DCC: variants seen among roughly 807,000 people sequenced by gnomAD.
DCC encodes the protein DCC netrin 1 receptor.
A neutral mutation model predicts 172.5 loss-of-function variants in DCC; 58 were observed. That is an observed-to-expected ratio of 0.34 (90% CI 0.27 to 0.42). DCC has a LOEUF of 0.42. DCC is among the 10% of genes least tolerant of loss of function. The pLI, the probability that DCC is intolerant of heterozygous loss-of-function variation, is 1.00. For missense variants in DCC, 1,740 were observed against 1,791.0 expected, an observed-to-expected ratio of 0.97 and a Z score of 0.51; for synonymous variants, 709 against 644.5, an observed-to-expected ratio of 1.10 and a Z score of -1.52.
intron 12 of DCC, among the ~76,000 whole-genome samples, chr18:53,303,243 A>C (rs182426397): frequency 2.0e-4 from 31 of 152,292 alleles, no homozygotes; most frequent in African/African-American, 7.0e-4. Flanking sequence ...TAATTTGTGC[A>C]ATCAAATTAT....
At chr18:52,861,658 AATC>A (rs1277395566) in intron 2 of DCC, among the ~76,000 whole-genome samples, 1 of 142,288 alleles carries the variant, frequency 7.0e-6, no homozygotes, top group African/African-American at 2.4e-5. Context: ...TCCAAACAAA[AATC>A]ATTTAAAAAA....
At chr18:53,150,546 C>G (rs1598851332) in intron 7 of DCC, among the ~76,000 whole-genome samples, 1 of 152,240 alleles carries the variant, frequency 6.6e-6, no homozygotes, top group South Asian at 2.1e-4. Context: ...ACAAAAATGA[C>G]CGGATTGTTG....
intron 1 of DCC, among the ~76,000 whole-genome samples, chr18:52,582,096 C>T (rs1203072990): frequency 2.0e-5 from 3 of 152,158 alleles, no homozygotes; most frequent in Non-Finnish European, 4.4e-5. Context: ...TCTATTAATT[C>T]ATCATAAATA....
intron 12 of DCC, among the ~76,000 whole-genome samples, chr18:53,259,999 T>C (rs940670548): frequency 1.3e-5 from 2 of 152,354 alleles, no homozygotes; most frequent in South Asian, 4.1e-4. Context: ...GCAAATTGGC[T>C]ACTGAGGCTT....
intron 1 of DCC, among the ~76,000 whole-genome samples, chr18:52,524,040 G>A (rs1170766070): frequency 3.3e-5 from 5 of 152,184 alleles, no homozygotes; most frequent in African/African-American, 4.8e-5. Flanking sequence ...AGACGTAAAT[G>A]TGGGGTGTTG....
chr18:53,225,768 G>A (rs957554252), intron 12 of DCC, among the ~76,000 whole-genome samples: 2 of 152,174 alleles, frequency 1.3e-5, no homozygotes, highest in Non-Finnish European at 2.9e-5. Flanking sequence ...AATTTAAAGT[G>A]AAACTAACCA....
chr18:52,676,042 G>A (rs1777547149), intron 1 of DCC, among the ~76,000 whole-genome samples: 2 of 152,144 alleles, frequency 1.3e-5, no homozygotes, highest in African/African-American at 2.4e-5. Flanking sequence ...AGAAAGTCCT[G>A]TGATATATTC....
At chr18:52,661,557 G>A (rs1598997197) in intron 1 of DCC, among the ~76,000 whole-genome samples, 1 of 152,228 alleles carries the variant, frequency 6.6e-6, no homozygotes, top group South Asian at 2.1e-4. Context: ...GCCTCCACAG[G>A]AGATGGGAGA....
chr18:52,938,425 G>A (rs1329828682), intron 5 of DCC, among the ~76,000 whole-genome samples: 1 of 152,034 alleles, frequency 6.6e-6, no homozygotes, highest in African/African-American at 2.4e-5. Flanking sequence ...TTGAACCAGG[G>A]TCTGGAACAT....
chr18:52,445,976 G>T (rs966924913), intron 1 of DCC, among the ~76,000 whole-genome samples: 2 of 152,202 alleles, frequency 1.3e-5, no homozygotes, highest in African/African-American at 4.8e-5. Flanking sequence ...CTGTCGCCCA[G>T]GCTAGAGTGC....
In DCC at chr18:52,619,818, C is replaced by T. The variant is rs147865342; in HGVS notation, c.92-132236C>T. ...ATGGCACATGGATAAATTTTCCCTA[C>T]GCAAAATCCAGCCCCAGTCACCCTC... On this transcript the variant is annotated intron_variant, in intron 1 of 28. Coordinates refer to ENST00000442544, the MANE Select transcript of DCC (RefSeq NM_005215.4). Among the ~76,000 whole-genome samples the T allele has an allele frequency of 2.6e-3, 394 of 152,276 alleles. 4 individuals carry two copies. Among genetic ancestry groups the T allele is most frequent in the South Asian group, 0.019 (90 of 4,814 alleles).
At chr18:53,389,237 C>T (rs1908387802) in intron 16 of DCC, among the ~76,000 whole-genome samples, 1 of 151,444 alleles carries the variant, frequency 6.6e-6, no homozygotes, top group Middle Eastern at 3.2e-3. Context: ...TGAATGTAAC[C>T]ACTCAGAGTC....
intron 1 of DCC, among the ~76,000 whole-genome samples, chr18:52,382,848 C>A (rs552894074): frequency 1.3e-5 from 2 of 152,108 alleles, no homozygotes; most frequent in South Asian, 4.1e-4. Flanking sequence ...GTGTAGGAGG[C>A]AATCCAGAGG....
At chr18:53,116,403 C>T (rs186451710) in intron 7 of DCC, among the ~76,000 whole-genome samples, 33 of 151,764 alleles carry the variant, frequency 2.2e-4, no homozygotes, top group African/African-American at 7.5e-4. Context: ...AGTTGGCCTG[C>T]GCCCTATGGA....
intron 19 of DCC, among the ~76,000 whole-genome samples, chr18:53,407,952 T>C (rs1909771240): frequency 6.6e-6 from 1 of 152,220 alleles, no homozygotes; most frequent in South Asian, 2.1e-4. Flanking sequence ...AAGTTTAATA[T>C]TTAACAGACA....
At chr18:52,879,913 G>A (rs1046493706) in intron 2 of DCC, among the ~76,000 whole-genome samples, 12 of 152,210 alleles carry the variant, frequency 7.9e-5, no homozygotes, top group African/African-American at 2.9e-4. Flanking sequence ...TACATAGTAG[G>A]TGTATATATT....
chr18:52,838,262 A>AT (rs1375045135), intron 2 of DCC, among the ~76,000 whole-genome samples: 7 of 152,072 alleles, frequency 4.6e-5, no homozygotes, highest in Admixed American at 6.5e-5. Context: ...TATATTATGA[A>AT]TTTTTTGTTC....
At chr18:53,120,318 T>A (rs1267773113) in intron 7 of DCC, among the ~76,000 whole-genome samples, 2 of 151,786 alleles carry the variant, frequency 1.3e-5, no homozygotes, top group Non-Finnish European at 2.9e-5. Flanking sequence ...GCGTTTTAAA[T>A]TTAGAATATA....
chr18:53,048,971 A>G (rs1343368301), intron 5 of DCC, among the ~76,000 whole-genome samples: 5 of 151,926 alleles, frequency 3.3e-5, no homozygotes, highest in East Asian at 1.9e-4. Flanking sequence ...TGTTGACTGT[A>G]TGTATGTCTT....
Sources: allele counts gnomAD v4.1 joint callset (sites outside exome capture counted in the v4.1 genomes callset), GRCh38; gene constraint gnomAD v4.1.1; transcripts MANE v1.5; gene names NCBI Gene and HGNC (gene_info 2026-07-23, HGNC 2026-07-21).